The following RGS4 variants were observed in gnomAD, a reference collection of about 807,000 sequenced individuals.
RGS4 encodes the protein schizophrenia disorder 9.
In RGS4, 15 loss-of-function variants were observed where a neutral mutation model predicts 21.6. The observed-to-expected ratio is 0.69, with a 90% CI of 0.46 to 1.07. RGS4 has a LOEUF of 1.07. Among genes scored for constraint, RGS4 ranks in the 50% least tolerant of loss-of-function variants. The probability of loss-of-function intolerance (pLI) is 0.00; values close to 1 mark genes in which losing one functional copy is unlikely to be tolerated. For synonymous variants in RGS4, 94 were observed against 85.5 expected (o/e 1.10, Z -0.55); for missense variants, 237 against 239.0 (o/e 0.99, Z 0.06).
chr1:163,069,246 T>C (rs1655220284), upstream of RGS4: 1 of 1,547,090 alleles, frequency 6.5e-7, no homozygotes, highest in Non-Finnish European at 8.7e-7. Flanking sequence ...TCCTCATCTC[T>C]TTCAGGGGCT....
rs561434525 is a variant in RGS4 at position 163,072,693 on chromosome 1, TG to T, written c.150-111del. The stretch of plus-strand genomic sequence containing the variant: ...AACTGCCCTCATCAATAACATATTT[TG>T]TCATAACGATGGAAAATAAAATCTT... On this transcript the variant is annotated intron_variant, in intron 2 of 4. Transcript: ENST00000367909. 1.0e-5 allele frequency: 10 copies of T among 989,276 alleles called. No individual in the cohort carries two copies. In the African/African-American group the frequency reaches 1.5e-4, roughly 15 times the overall value. 61.3% of individuals were successfully genotyped at this position (989,276 alleles called of 1,614,324 possible). A position where few individuals can be genotyped will look rare whatever the true frequency, so the allele number is the denominator to read the frequency against.
upstream of RGS4, chr1:163,069,300 C>G: frequency 6.4e-7 from 1 of 1,551,186 alleles, no homozygotes; most frequent in Non-Finnish European, 8.7e-7. Flanking sequence ...GCAGAGCGGT[C>G]GTCTGATTGG....
intron 4 of RGS4, 174 bp from the exon 5 acceptor site, chr1:163,074,147 T>G (rs528202564): frequency 1.5e-5 from 11 of 730,618 alleles, no homozygotes; most frequent in Non-Finnish European, 2.5e-5. Context: ...GAAAGGTTCA[T>G]TCTGAACCTT....
chr1:163,071,247 T>C lies in RGS4; in HGVS notation c.45-1148T>C, dbSNP rs567509526. 6.3e-4 allele frequency among the ~76,000 whole-genome samples: 96 copies of C among 152,130 alleles called. 1 individual carries two copies. In the South Asian group the frequency reaches 0.02, roughly 31 times the overall value. ...GGAAGCAGAGGAGGGAAAGTAATCT[T>C]GCGAGGAAGAGAAAATACTATTTAA... On this transcript the variant is annotated intron_variant, in intron 1 of 4. Coordinates refer to ENST00000367909, the MANE Select transcript of RGS4 (RefSeq NM_005613.6).
intron 1 of RGS4, chr1:163,070,668 A>G (rs1655271015): frequency 1.3e-5 from 2 of 152,174 alleles, no homozygotes; most frequent in African/African-American, 4.8e-5. Flanking sequence ...TAACTTGCAT[A>G]TGAAATGAAC....
intron 3 of RGS4, among the ~76,000 whole-genome samples, chr1:163,073,187 T>C (rs1053469873): frequency 3.9e-5 from 6 of 152,176 alleles, no homozygotes; most frequent in East Asian, 1.9e-4. Context: ...ACCTTGGTAA[T>C]TGATAGCTGC....
chr1:163,071,208 C>G (rs939277120), intron 1 of RGS4, among the ~76,000 whole-genome samples: 14 of 152,026 alleles, frequency 9.2e-5, no homozygotes, highest in African/African-American at 3.4e-4. Flanking sequence ...ATCCCCTGAA[C>G]AGTCATCAGT....
chr1:163,074,274 C>T, intron 4 of RGS4, 47 bp from the exon 5 acceptor site: 2 of 1,609,754 alleles, frequency 1.2e-6, no homozygotes, highest in Non-Finnish European at 1.7e-6. Flanking sequence ...GGCTTGCATC[C>T]TCAACAGGGA....
At position 163,075,327 on chromosome 1, in the gene RGS4, A is replaced by C. The variant is rs560504364; in HGVS notation, c.*767A>C. ...AAAATTCCATGGATCTTGCTGGAGA[A>C]GCATCCAAGGAACTTCATGCTTGAT... On this transcript the variant is annotated 3_prime_UTR_variant, in exon 5 of 5. Coordinates refer to ENST00000367909, the MANE Select transcript of RGS4 (RefSeq NM_005613.6). 2.0e-5 allele frequency: 3 copies of C among 152,642 alleles called. No individual in the cohort carries two copies. In the South Asian group the frequency reaches 6.2e-4, roughly 32 times the overall value. The allele number at this position is 152,642 out of a possible 1,614,324, so 9.5% of individuals were successfully genotyped here. A position where few individuals can be genotyped will look rare whatever the true frequency, so the allele number is the denominator to read the frequency against.
chr1:163,071,954 G>A, intron 1 of RGS4: 1 of 981,276 alleles, frequency 1.0e-6, no homozygotes, highest in Non-Finnish European at 1.2e-6. Flanking sequence ...GGGAACAGAT[G>A]GAAATAGCAA....
In RGS4 at chr1:163,074,758, C is replaced by T. The variant is rs951029375; in HGVS notation, c.*198C>T. On this transcript the variant is annotated 3_prime_UTR_variant, in exon 5 of 5. Transcript: ENST00000367909. ...GTTTGAGTGTTCATCAGGGTGGGACCCCATTCCAGTCCAATTTTCCTAAGT... is the reference window on the plus strand; with the variant it reads ...GTTTGAGTGTTCATCAGGGTGGGACTCCATTCCAGTCCAATTTTCCTAAGT... The T allele has an allele frequency of 6.6e-6, 5 of 761,768 alleles. No individual in the cohort carries two copies. Among genetic ancestry groups the T allele is most frequent in the East Asian group, 2.7e-5 (1 of 37,250 alleles). The allele number at this position is 761,768 out of a possible 1,614,324, so 47.2% of individuals were successfully genotyped here.
upstream of RGS4, chr1:163,069,254 G>T (rs568489938): frequency 1.2e-4 from 183 of 1,549,568 alleles, 2 homozygotes; most frequent in South Asian, 1.5e-3. Flanking sequence ...TCTTTCAGGG[G>T]CTGGAGAGGC....
chr1:163,072,736 C>T, intron 2 of RGS4, 69 bp from the exon 3 acceptor site: 1 of 1,359,630 alleles, frequency 7.4e-7, no homozygotes, highest in South Asian at 1.2e-5. Flanking sequence ...CATTCAGGAT[C>T]TTAGATTTCT....
At chr1:163,071,435 T>C (rs527508801) in intron 1 of RGS4, among the ~76,000 whole-genome samples, 12 of 152,268 alleles carry the variant, frequency 7.9e-5, no homozygotes, top group East Asian at 5.8e-4. Context: ...GGTATTTCTC[T>C]TTTTAAACTA....
rs758263807 is a variant in RGS4 at position 163,072,886 on chromosome 1, G to A, written c.211+20G>A. The A allele has an allele frequency of 6.2e-7, 1 of 1,603,488 alleles. No homozygotes were observed. The highest frequency in any genetic ancestry group is 1.1e-5 in the South Asian group (1 of 90,766). On this transcript the variant is annotated intron_variant, in intron 3 of 4. Transcript: ENST00000367909. ...ATGAATGTAAGTCTGACAGCAACCTGGGATGAGGTACTCTGGATAAGACAA... is the reference window on the plus strand; with the variant it reads ...ATGAATGTAAGTCTGACAGCAACCTAGGATGAGGTACTCTGGATAAGACAA...
upstream of RGS4, chr1:163,068,893 GCCAGCTCC>G: frequency 7.3e-7 from 1 of 1,377,610 alleles, no homozygotes; most frequent in South Asian, 1.2e-5. Context: ...CGATGATCCT[GCCAGCTCC>G]CTTTTGGAAA....
intron 1 of RGS4, chr1:163,070,717 C>A (rs1411081611): frequency 6.6e-6 from 1 of 152,138 alleles, no homozygotes; most frequent in Admixed American, 6.6e-5. Flanking sequence ...AAGTTATGCT[C>A]TGGTAAATAT....
chr1:163,075,890 C>T lies in RGS4; in HGVS notation c.*1330C>T, dbSNP rs557392522. On this transcript the variant is annotated 3_prime_UTR_variant, in exon 5 of 5. Transcript: ENST00000367909. ...AGAATCTTGTTAATTTCATTCCAAACATCGGGGCTAACAGAGACTGGAGGC... is the reference window on the plus strand; with the variant it reads ...AGAATCTTGTTAATTTCATTCCAAATATCGGGGCTAACAGAGACTGGAGGC... 3.3e-5 allele frequency: 5 copies of T among 152,386 alleles called. No homozygotes were observed. The highest frequency in any genetic ancestry group is 3.8e-4 in the East Asian group (2 of 5,198). The allele number at this position is 152,386 out of a possible 1,614,324, so 9.4% of individuals were successfully genotyped here.
Position 163,072,349 on chromosome 1 carries a change from G to T in RGS4, c.45-46G>T. On this transcript the variant is annotated intron_variant, in intron 1 of 4. Transcript: ENST00000367909. Reference sequence around the variant, plus strand: ...GCTCTACCATTAGGTATCTTTTAAAGAAAGCTGGTTATTACTATTTATTCA... The same window carrying T: ...GCTCTACCATTAGGTATCTTTTAAATAAAGCTGGTTATTACTATTTATTCA... 3.6e-6 allele frequency: 5 copies of T among 1,406,920 alleles called. No individual in the cohort carries two copies. In the South Asian group the frequency reaches 3.6e-5, roughly 10 times the overall value. 87.2% of individuals were successfully genotyped at this position (1,406,920 alleles called of 1,614,324 possible).
Sources: gnomAD v4.1 joint callset for allele counts (sites outside exome capture counted in the v4.1 genomes callset) on GRCh38, gnomAD v4.1.1 for gene constraint, MANE v1.5 for transcripts, NCBI Gene and HGNC (gene_info 2026-07-23, HGNC 2026-07-21) for gene names.